Variants in CDH8 observed in about 807,000 individuals in gnomAD.
CDH8 encodes cadherin-8.
A neutral mutation model predicts 68.1 loss-of-function variants in CDH8; 17 were observed. The ratio of observed to expected loss-of-function variants is 0.25; its 90% CI spans 0.17 to 0.37. The LOEUF (loss-of-function observed/expected upper bound fraction) is 0.37. Ranked by LOEUF, CDH8 falls within the 10% of genes least tolerant of loss-of-function variation. The pLI is 1.00. For synonymous variants in CDH8, 372 were observed against 365.1 expected (o/e 1.02, Z -0.21); for missense variants, 763 against 999.3 (o/e 0.76, Z 3.19).
rs548942708 is a variant in CDH8 at position 62,011,095 on chromosome 16, A to G, written c.252+10057T>C. On this transcript the variant is annotated intron_variant, in intron 2 of 11. Coordinates refer to ENST00000577390, the MANE Select transcript of CDH8 (RefSeq NM_001796.5). ...TTATTCTTAGGATTAGGGAGAAATA[A>G]AAATATGCATGTAGTATTTTATTCC... 1.1e-4 allele frequency among the ~76,000 whole-genome samples: 17 copies of G among 151,944 alleles called. No individual in the cohort carries two copies. The East Asian group carries it at 3.3e-3, about 29-fold the overall frequency.
chr16:61,725,367 C>T (rs1361909448), intron 9 of CDH8: 7 of 150,866 alleles, frequency 4.6e-5, no homozygotes, highest in East Asian at 1.9e-4. Flanking sequence ...TTGTCAATAA[C>T]GCAAGTGAAG....
chr16:61,994,514 C>T (rs1469648644), intron 2 of CDH8, among the ~76,000 whole-genome samples: 10 of 152,106 alleles, frequency 6.6e-5, no homozygotes, highest in South Asian at 4.1e-4. Context: ...GAAAATTTGT[C>T]GAATGACTAA....
chr16:61,834,370 T>C (rs1962523603), intron 4 of CDH8, among the ~76,000 whole-genome samples: 1 of 151,854 alleles, frequency 6.6e-6, no homozygotes, highest in African/African-American at 2.4e-5. Context: ...AGTCACATCT[T>C]GAGATTATGC....
chr16:61,768,364 C>CTT (rs1960672584), intron 8 of CDH8, among the ~76,000 whole-genome samples: 2 of 104,512 alleles, frequency 1.9e-5, no homozygotes, highest in African/African-American at 3.9e-5. Context: ...CTCTCTCTCT[C>CTT]TCTCCCTTTC....
chr16:62,028,055 A>G (rs1454315796), intron 1 of CDH8, among the ~76,000 whole-genome samples: 5 of 149,478 alleles, frequency 3.3e-5, no homozygotes, highest in African/African-American at 1.2e-4. Context: ...AATATCTGTC[A>G]AATCCATTTT....
intron 2 of CDH8, chr16:61,940,832 C>T (rs576259923): frequency 6.6e-6 from 1 of 152,226 alleles, no homozygotes; most frequent in African/African-American, 2.4e-5. Flanking sequence ...TACGGAACAC[C>T]TGGAGAGATG....
At chr16:61,909,651 T>C (rs370677404) in intron 2 of CDH8, among the ~76,000 whole-genome samples, 1 of 151,830 alleles carries the variant, frequency 6.6e-6, no homozygotes, top group Non-Finnish European at 1.5e-5. Flanking sequence ...AGAGGAGGAG[T>C]AGACAGAATA....
intron 7 of CDH8, among the ~76,000 whole-genome samples, chr16:61,804,478 C>G (rs985361609): frequency 2.6e-5 from 4 of 150,984 alleles, no homozygotes; most frequent in Admixed American, 1.3e-4. Context: ...CAGAGCAGAA[C>G]TGAAGGAAAT....
intron 8 of CDH8, among the ~76,000 whole-genome samples, chr16:61,781,438 C>A (rs1460690936): frequency 2.6e-5 from 4 of 151,418 alleles, no homozygotes; most frequent in South Asian, 2.1e-4. Context: ...AAAAAAAAAA[C>A]CAAAACCAAA....
chr16:62,006,735 A>C (rs1965982078), intron 2 of CDH8, among the ~76,000 whole-genome samples: 1 of 152,214 alleles, frequency 6.6e-6, no homozygotes, highest in Admixed American at 6.5e-5. Flanking sequence ...GCTCAAATAT[A>C]TTTGTAAAGT....
At chr16:61,671,211 A>G (rs181917060) in intron 10 of CDH8, among the ~76,000 whole-genome samples, 2 of 152,098 alleles carry the variant, frequency 1.3e-5, no homozygotes, top group Admixed American at 1.3e-4. Flanking sequence ...ATTTCTGGGG[A>G]TGGGCCCTGG....
chr16:61,832,185 A>G (rs574969362), intron 4 of CDH8, among the ~76,000 whole-genome samples: 1 of 151,954 alleles, frequency 6.6e-6, no homozygotes, highest in African/African-American at 2.4e-5. Context: ...TATACCACAA[A>G]GGAAAAAATG....
chr16:61,979,694 T>A (rs1965498774), intron 2 of CDH8, among the ~76,000 whole-genome samples: 3 of 152,202 alleles, frequency 2.0e-5, no homozygotes, highest in African/African-American at 7.2e-5. Flanking sequence ...TGTCAGCCAC[T>A]GTTCTAATCA....
intron 1 of CDH8, chr16:62,035,164 C>T (rs775192520): frequency 3.9e-5 from 6 of 152,214 alleles, no homozygotes; most frequent in Non-Finnish European, 7.3e-5. Context: ...CGGAGTAGGT[C>T]CCTTATGAAC....
At chr16:61,853,100 A>T (rs1962974845) in intron 4 of CDH8, among the ~76,000 whole-genome samples, 1 of 152,076 alleles carries the variant, frequency 6.6e-6, no homozygotes, top group Non-Finnish European at 1.5e-5. Context: ...AATAAACAAG[A>T]TAACCCTGAT....
At chr16:62,004,885 G>A (rs1352082826) in intron 2 of CDH8, among the ~76,000 whole-genome samples, 1 of 152,186 alleles carries the variant, frequency 6.6e-6, no homozygotes, top group Admixed American at 6.5e-5. Flanking sequence ...AGTTTCCCTT[G>A]TGCTGACCCT....
chr16:61,736,098 G>GGAAAGAAAGAAAGAAA lies in CDH8; in HGVS notation c.1415-8899_1415-8884dup, dbSNP rs1260262826. Among the ~76,000 whole-genome samples, 175 of 99,446 alleles carry GGAAAGAAAGAAAGAAA rather than the reference G, an allele frequency of 1.8e-3. 2 individuals are homozygous for GGAAAGAAAGAAAGAAA. The highest frequency in any genetic ancestry group is 6.2e-3 in the African/African-American group (166 of 26,792). The allele number at this position is 99,446 out of a possible 152,430, so 65.2% of individuals were successfully genotyped here. A position where few individuals can be genotyped will look rare whatever the true frequency, so the allele number is the denominator to read the frequency against. On this transcript the variant is annotated intron_variant, in intron 8 of 11. Transcript: ENST00000577390. The stretch of plus-strand genomic sequence containing the variant: ...AAGACAAATGAAAAACAAGAAAGAA[G>GGAAAGAAAGAAAGAAA]GAAAGAAAGAAAGAAAGGAAGGAAG...
intron 4 of CDH8, among the ~76,000 whole-genome samples, chr16:61,851,772 T>C (rs1962943530): frequency 6.6e-6 from 1 of 152,090 alleles, no homozygotes; most frequent in Admixed American, 6.6e-5. Flanking sequence ...CTGCCTTCCA[T>C]TTTCTCTGAT....
chr16:61,752,616 T>G (rs1311324295), intron 8 of CDH8, among the ~76,000 whole-genome samples: 2 of 152,200 alleles, frequency 1.3e-5, no homozygotes, highest in African/African-American at 4.8e-5. Flanking sequence ...CCCCATATCT[T>G]GACAGTCTGA....
Sources: allele counts gnomAD v4.1 joint callset (sites outside exome capture counted in the v4.1 genomes callset), GRCh38; gene constraint gnomAD v4.1.1; transcripts MANE v1.5; gene names NCBI Gene and HGNC (gene_info 2026-07-23, HGNC 2026-07-21).